Variants in DNAJC21 observed in about 807,000 individuals in gnomAD.
DNAJC21 encodes dnaJ homolog subfamily C member 21.
In DNAJC21, 63 loss-of-function variants were observed where a neutral mutation model predicts 72.4. The observed-to-expected ratio is 0.87, with a 90% confidence interval of 0.71 to 1.07. DNAJC21 has a LOEUF of 1.07. Ranked by LOEUF, DNAJC21 falls within the 50% of genes least tolerant of loss-of-function variation. The probability of loss-of-function intolerance (pLI) is 0.00; values close to 1 mark genes in which losing one functional copy is unlikely to be tolerated. For synonymous variants in DNAJC21, 203 were observed against 216.7 expected, an observed-to-expected ratio of 0.94 and a Z score of 0.56; for missense variants, 634 against 644.8, an observed-to-expected ratio of 0.98 and a Z score of 0.18.
chr5:34,933,339 T>A (rs1192811092), intron 1 of DNAJC21, among the ~76,000 whole-genome samples: 1 of 152,210 alleles, frequency 6.6e-6, no homozygotes, highest in Non-Finnish European at 1.5e-5. Context: ...TGGTGCAATC[T>A]AGGCTCACTA....
At chr5:34,953,861 C>G in intron 10 of DNAJC21, 65 bp from the exon 11 acceptor site, 2 of 1,322,336 alleles carry the variant, frequency 1.5e-6, no homozygotes, top group Non-Finnish European at 2.1e-6. Flanking sequence ...CTAGAGAGCA[C>G]TCAAATAATG....
rs750703520 is a variant in DNAJC21, at chr5:34,951,793, G to C, written c.1358+1451G>C. On this transcript the variant is annotated intron_variant, in intron 10 of 11. Coordinates refer to ENST00000648817, the MANE Select transcript of DNAJC21 (RefSeq NM_001012339.3). The stretch of plus-strand genomic sequence containing the variant: ...CCCGCCTTGGCCTACCAAAGTGCTG[G>C]GATTGCAGGTGTGAGCTACCGTGTC... 3.0e-6 allele frequency: 3 copies of C among 985,200 alleles called. No homozygotes were observed. The African/African-American group carries it at 5.2e-5, about 17-fold the overall frequency. The allele number at this position is 985,200 out of a possible 1,614,324, so 61.0% of individuals were successfully genotyped here. A position where few individuals can be genotyped will look rare whatever the true frequency, so the allele number is the denominator to read the frequency against.
Position 34,945,773 on chromosome 5 carries a change from A to G in DNAJC21, c.1155A>G (p.Lys385=). 6.3e-7 allele frequency: 1 copy of G among 1,597,514 alleles called. No individual in the cohort carries two copies. Among genetic ancestry groups the G allele is most frequent in the African/African-American group, 1.4e-5 (1 of 73,898 alleles). ...EDAPKQKLSK[K]QKKKKQKPAQ... ...TATTTGCTCTTAGGCTTTCTAAAAA[A>G]CAGAAGAAAAAGAAACAGAAACCAG... The change falls in exon 9 of 12, where the codon AAA becomes AAG. Residue 385 remains lysine (K), a synonymous_variant. Transcript: ENST00000648817.
At position 34,945,750 on chromosome 5, in the gene DNAJC21, T is replaced by C. The variant is rs772537651; in HGVS notation, c.1143-11T>C. 2.5e-6 allele frequency: 4 copies of C among 1,589,396 alleles called. No individual in the cohort carries two copies. In the South Asian group the frequency reaches 3.5e-5, roughly 14 times the overall value. ...CAAGTATTTGACATTTCGATTTATA[T>C]TTGCTCTTAGGCTTTCTAAAAAACA... On this transcript the variant is annotated splice_polypyrimidine_tract_variant and intron_variant, in intron 8 of 11. Coordinates refer to ENST00000648817, the MANE Select transcript of DNAJC21 (RefSeq NM_001012339.3).
intron 2 of DNAJC21, among the ~76,000 whole-genome samples, chr5:34,934,497 C>G (rs1025547709): frequency 6.6e-6 from 1 of 151,714 alleles, no homozygotes; most frequent in African/African-American, 2.4e-5. Context: ...TCCCAAAGTG[C>G]TAGGATTACA....
rs896948713 is a variant in DNAJC21 at position 34,935,833 on chromosome 5, G to C, written c.315G>C (p.Lys105Asn). ...ATTCTGGTTATGGAGATGATGAAAA[G>C]GTAAGATAAATGAACTCACCCTTGA... ...TCYSGYGDDEKGFYTVYRNVF... is the reference protein window; with the variant it reads ...TCYSGYGDDENGFYTVYRNVF... Residue 105 changes from lysine to asparagine, a missense_variant and splice_region_variant, in exon 3 of 12, where the codon AAG becomes AAC. Coordinates refer to ENST00000648817, the MANE Select transcript of DNAJC21 (RefSeq NM_001012339.3). The C allele has an allele frequency of 2.5e-6, 4 of 1,613,600 alleles. No individual in the cohort carries two copies. In the African/African-American group the frequency reaches 5.3e-5, roughly 22 times the overall value.
At position 34,953,857 on chromosome 5, in the gene DNAJC21, A is replaced by C. The variant is rs1580543734; in HGVS notation, c.1359-69A>C. 5 of 1,199,304 alleles carry C rather than the reference A, an allele frequency of 4.2e-6. No homozygotes were observed. The East Asian group carries it at 1.2e-4, about 30-fold the overall frequency. The allele number at this position is 1,199,304 out of a possible 1,614,324, so 74.3% of individuals were successfully genotyped here. ...GTTCACTTTTTTGAGTGTTCTAGAG[A>C]GCACTCAAATAATGATGGTTAAAAG... is the stretch of plus-strand genomic sequence containing the variant. On this transcript the variant is annotated intron_variant, in intron 10 of 11. Coordinates refer to ENST00000648817, the MANE Select transcript of DNAJC21 (RefSeq NM_001012339.3).
At chr5:34,942,068 T>G (rs914290779) in intron 7 of DNAJC21, among the ~76,000 whole-genome samples, 1 of 152,220 alleles carries the variant, frequency 6.6e-6, no homozygotes, top group African/African-American at 2.4e-5. Context: ...TTAAAACACA[T>G]GCACTGTCTC....
rs761193139 is a variant in DNAJC21 at position 34,937,635 on chromosome 5, G to A, written c.743+5G>A. 14 of 1,607,470 alleles carry A rather than the reference G, an allele frequency of 8.7e-6. No individual in the cohort carries two copies. Among genetic ancestry groups the A allele is most frequent in the Admixed American group, 1.7e-5 (1 of 59,380 alleles). Reference sequence around the variant, plus strand: ...GCAGAAGCTAAAGCAGGCCAAGTGCGTAGCGTGCGTGGGGCCCTCTTCTCA... The same window carrying A: ...GCAGAAGCTAAAGCAGGCCAAGTGCATAGCGTGCGTGGGGCCCTCTTCTCA... On this transcript the variant is annotated splice_donor_5th_base_variant and intron_variant, in intron 5 of 11. Transcript: ENST00000648817.
At chr5:34,936,372 G>A in intron 4 of DNAJC21, 106 bp downstream of exon 4, 1 of 1,347,704 alleles carries the variant, frequency 7.4e-7, no homozygotes, top group Non-Finnish European at 1.0e-6. Context: ...AGGCTGCAGT[G>A]CAGTGGTATG....
chr5:34,941,423 A>T (rs1220989918), intron 7 of DNAJC21, among the ~76,000 whole-genome samples: 1 of 152,132 alleles, frequency 6.6e-6, no homozygotes, highest in Non-Finnish European at 1.5e-5. Flanking sequence ...GGGTTTTGCC[A>T]TGTTGTCCAG....
chr5:34,938,133 A>C (rs531905062), intron 5 of DNAJC21, among the ~76,000 whole-genome samples: 9 of 152,316 alleles, frequency 5.9e-5, no homozygotes, highest in African/African-American at 2.2e-4. Context: ...TTTCCTTCAG[A>C]GACCCTTTAC....
intron 2 of DNAJC21, among the ~76,000 whole-genome samples, chr5:34,935,250 C>G (rs544466703): frequency 6.6e-6 from 1 of 152,220 alleles, no homozygotes; most frequent in South Asian, 2.1e-4. Flanking sequence ...ACTGCCTTTA[C>G]AGAGTTATTA....
At position 34,954,633 on chromosome 5, in the gene DNAJC21, T is replaced by A; in HGVS notation, c.1515T>A (p.Gly505=). 6.2e-7 allele frequency: 1 copy of A among 1,613,730 alleles called. No homozygotes were observed. Among genetic ancestry groups the A allele is most frequent in the Non-Finnish European group, 8.5e-7 (1 of 1,179,904 alleles). Residue 505 remains glycine (G), a synonymous_variant, in exon 12 of 12, where the codon GGT becomes GGA. Coordinates refer to ENST00000648817, the MANE Select transcript of DNAJC21 (RefSeq NM_001012339.3). ...NKLFDHLKAT[G]HARAPSSSSL... ...TTTTTGACCATCTAAAGGCCACAGG[T>A]CATGCAAGAGCACCTTCATCATCGT...
At position 34,938,727 on chromosome 5, in the gene DNAJC21, G is replaced by A. The variant is rs151125903; in HGVS notation, c.744-131G>A. The A allele has an allele frequency of 2.0e-4, 199 of 1,008,336 alleles. 3 individuals are homozygous for A. The East Asian group carries it at 5.9e-3, about 30-fold the overall frequency. The allele number at this position is 1,008,336 out of a possible 1,614,324, so 62.5% of individuals were successfully genotyped here. ...TTTGCCTTGGTTTTAACTAAGCACA[G>A]GTTTTAAGTTTGTAAGCGTGGATAG... On this transcript the variant is annotated intron_variant, in intron 5 of 11. Transcript: ENST00000648817.
rs201764605 is a variant in DNAJC21 at position 34,937,456 on chromosome 5, A to G, written c.569A>G (p.Lys190Arg). ...CGAGCCATGGAAAAAGAAAACAAAA[A>G]GATTCGGGACAAAGCAAGGAAAGAG... ...EKRAMEKENK[K>R]IRDKARKEKN... Residue 190 changes from lysine to arginine, a missense_variant, in exon 5 of 12, where the codon AAG (lysine) becomes AGG (arginine). Coordinates refer to ENST00000648817, the MANE Select transcript of DNAJC21 (RefSeq NM_001012339.3). The G allele has an allele frequency of 6.2e-7, 1 of 1,614,218 alleles. No individual in the cohort carries two copies. The highest frequency in any genetic ancestry group is 8.5e-7 in the Non-Finnish European group (1 of 1,180,006).
Position 34,938,854 on chromosome 5 carries a change from C to G in DNAJC21, c.744-4C>G. On this transcript the variant is annotated splice_polypyrimidine_tract_variant and splice_region_variant and intron_variant, in intron 5 of 11. Coordinates refer to ENST00000648817, the MANE Select transcript of DNAJC21 (RefSeq NM_001012339.3). ...CGCTGTGAGACTGTGCTGTATGTGT[C>G]TAGACTGGTGGAGCAGTACAGAGAA... is the stretch of plus-strand genomic sequence containing the variant. 6.2e-7 allele frequency: 1 copy of G among 1,609,410 alleles called. No homozygotes were observed. The highest frequency in any genetic ancestry group is 2.2e-5 in the East Asian group (1 of 44,694).
chr5:34,943,674 C>T (rs1212597428), intron 7 of DNAJC21, among the ~76,000 whole-genome samples: 1 of 152,160 alleles, frequency 6.6e-6, no homozygotes, highest in Non-Finnish European at 1.5e-5. Context: ...TTTTAGCTTG[C>T]GTCAGTCTTT....
chr5:34,956,283 G>A lies in DNAJC21; in HGVS notation c.*1569G>A, dbSNP rs1304416500. 6.6e-6 allele frequency: 1 copy of A among 152,418 alleles called. No individual in the cohort carries two copies. Among genetic ancestry groups the A allele is most frequent in the Non-Finnish European group, 1.5e-5 (1 of 67,970 alleles). The allele number at this position is 152,418 out of a possible 1,614,324, so 9.4% of individuals were successfully genotyped here. The stretch of plus-strand genomic sequence containing the variant: ...ATGATCAGATTTCTTCTGTGTTATT[G>A]TCTTAAAAATAAGCATTTGAACCTT... On this transcript the variant is annotated 3_prime_UTR_variant, in exon 12 of 12. Coordinates refer to ENST00000648817, the MANE Select transcript of DNAJC21 (RefSeq NM_001012339.3).
Sources: gnomAD v4.1 joint callset for allele counts (sites outside exome capture counted in the v4.1 genomes callset) on GRCh38, gnomAD v4.1.1 for gene constraint, MANE v1.5 for transcripts, NCBI Gene and HGNC (gene_info 2026-07-23, HGNC 2026-07-21) for gene names.